Variants in KLHL7 observed in about 807,000 individuals in gnomAD.
The protein encoded by KLHL7 is kelch like family member 7, also known as kelch-like protein 7.
KLHL7 carries 44 observed loss-of-function variants against 67.4 expected under a neutral mutation model. That is an observed-to-expected ratio of 0.65 (90% CI 0.51 to 0.84). The LOEUF (loss-of-function observed/expected upper bound fraction) is 0.84. KLHL7 is among the 40% of genes least tolerant of loss of function. The pLI, the probability that KLHL7 is intolerant of heterozygous loss-of-function variation, is 0.00. For missense variants in KLHL7, 362 were observed against 718.1 expected (o/e 0.50, Z 5.67); for synonymous variants, 252 against 243.3 (o/e 1.04, Z -0.33).
intron 4 of KLHL7, among the ~76,000 whole-genome samples, chr7:23,126,755 A>G (rs1783589083): frequency 6.6e-6 from 1 of 152,200 alleles, no homozygotes; most frequent in South Asian, 2.1e-4. Context: ...TTTCAGGAGG[A>G]AGTAAAAGTC....
At chr7:23,166,447 T>C (rs1785006824) in intron 8 of KLHL7, among the ~76,000 whole-genome samples, 1 of 152,200 alleles carries the variant, frequency 6.6e-6, no homozygotes, top group South Asian at 2.1e-4. Context: ...AAAAACCTTA[T>C]TGGATAGTGT....
intron 4 of KLHL7, among the ~76,000 whole-genome samples, chr7:23,132,446 A>G (rs1355088956): frequency 6.6e-6 from 1 of 152,106 alleles, no homozygotes; most frequent in Non-Finnish European, 1.5e-5. Context: ...TGCCATTTGT[A>G]TGTCTTTGAG....
intron 7 of KLHL7, among the ~76,000 whole-genome samples, chr7:23,160,336 A>G (rs1583721409): frequency 1.3e-5 from 2 of 152,342 alleles, no homozygotes; most frequent in African/African-American, 2.4e-5. Flanking sequence ...CATAATATCC[A>G]TGTCATGCTT....
At chr7:23,157,507 A>G (rs1181631907) in intron 7 of KLHL7, among the ~76,000 whole-genome samples, 1 of 152,326 alleles carries the variant, frequency 6.6e-6, no homozygotes, top group East Asian at 1.9e-4. Context: ...AGTTTGTTAG[A>G]CAGGTGGTCT....
chr7:23,166,335 A>G (rs1486505503), intron 8 of KLHL7, among the ~76,000 whole-genome samples: 1 of 152,268 alleles, frequency 6.6e-6, no homozygotes, highest in Non-Finnish European at 1.5e-5. Flanking sequence ...TCTTTTTATT[A>G]GAAAAAAGAA....
At chr7:23,150,567 A>G (rs1042572703) in intron 6 of KLHL7, among the ~76,000 whole-genome samples, 12 of 152,188 alleles carry the variant, frequency 7.9e-5, no homozygotes, top group African/African-American at 2.9e-4. Context: ...GTTCTATTGT[A>G]TAGACATAGC....
chr7:23,108,767 G>A (rs879573220), intron 1 of KLHL7, among the ~76,000 whole-genome samples: 2 of 152,212 alleles, frequency 1.3e-5, no homozygotes, highest in Non-Finnish European at 2.9e-5. Flanking sequence ...TCCTGTGTTT[G>A]AACTTATATA....
In KLHL7 at chr7:23,117,918, G is replaced by A. The variant is rs1474557060; in HGVS notation, c.121-5859G>A. 3 of 1,614,080 alleles carry A rather than the reference G, an allele frequency of 1.9e-6. No homozygotes were observed. In the South Asian group the frequency reaches 3.3e-5, roughly 18 times the overall value. On this transcript the variant is annotated intron_variant, in intron 1 of 10. Transcript: ENST00000339077. ...CAATGCCAATTTGATATCATGCTGG[G>A]AGGGACTGATTGCAGAACCTTCTTG... is the stretch of plus-strand genomic sequence containing the variant.
chr7:23,125,735 A>C, intron 4 of KLHL7: 2 of 1,469,982 alleles, frequency 1.4e-6, no homozygotes, highest in Middle Eastern at 1.8e-4. Context: ...GAAGCTATTA[A>C]TAAAGTATTT....
chr7:23,133,044 C>T (rs1783857323), intron 4 of KLHL7, among the ~76,000 whole-genome samples: 1 of 152,122 alleles, frequency 6.6e-6, no homozygotes, highest in Admixed American at 6.5e-5. Flanking sequence ...ATTACTATAG[C>T]TCTGTAGTAT....
chr7:23,120,874 C>G (rs1420589444), intron 1 of KLHL7, among the ~76,000 whole-genome samples: 1 of 152,184 alleles, frequency 6.6e-6, no homozygotes, highest in Non-Finnish European at 1.5e-5. Flanking sequence ...GAATCTATTA[C>G]TGTTAACTAT....
Position 23,105,983 on chromosome 7 carries a change from C to A in KLHL7, c.-44C>A, listed in dbSNP as rs1341962299. 1 of 1,595,630 alleles carries A rather than the reference C, an allele frequency of 6.3e-7. No individual in the cohort carries two copies. Among genetic ancestry groups the A allele is most frequent in the East Asian group, 2.3e-5 (1 of 44,340 alleles). On this transcript the variant is annotated 5_prime_UTR_variant, in exon 1 of 11. Transcript: ENST00000339077. ...AGTGTGCCCAGAGAGTGCGACCCCT[C>A]GCCCGGCCCGGCGAGCCCCGGGCGT...
At chr7:23,138,187 G>A (rs1784048967) in intron 4 of KLHL7, among the ~76,000 whole-genome samples, 1 of 147,026 alleles carries the variant, frequency 6.8e-6, no homozygotes, top group East Asian at 2.1e-4. Context: ...AGAAAAAAAA[G>A]GCACGGTGGT....
At chr7:23,154,756 C>T (rs1188565928) in intron 7 of KLHL7, among the ~76,000 whole-genome samples, 1 of 152,160 alleles carries the variant, frequency 6.6e-6, no homozygotes, top group Non-Finnish European at 1.5e-5. Context: ...ATCTAATGAT[C>T]TGGGTAGATA....
chr7:23,117,081 CTTTTTTTTTTT>C (rs34692665), intron 1 of KLHL7, among the ~76,000 whole-genome samples: 4 of 68,226 alleles, frequency 5.9e-5, no homozygotes, highest in South Asian at 1.1e-3. Context: ...AGAGCCAGGC[CTTTTTTTTTTT>C]TTTTTTTTTT....
chr7:23,125,862 A>G (rs746925910), intron 4 of KLHL7: 7 of 1,550,380 alleles, frequency 4.5e-6, no homozygotes, highest in Non-Finnish European at 6.1e-6. Flanking sequence ...ATGTTTGTGC[A>G]GTAGCCCACC....
chr7:23,146,844 C>T lies in KLHL7; in HGVS notation c.793+2819C>T, dbSNP rs1784374046. On this transcript the variant is annotated intron_variant, in intron 6 of 10. Coordinates refer to ENST00000339077, the MANE Select transcript of KLHL7 (RefSeq NM_001031710.3). ...CATATATCTATATGTACACACATCA[C>T]TTCTCAGTATTTTGGCTAAGATCAA... Among the ~76,000 whole-genome samples, 3 of 152,082 alleles carry T rather than the reference C, an allele frequency of 2.0e-5. No homozygotes were observed. The South Asian group carries it at 6.2e-4, about 31-fold the overall frequency.
At chr7:23,155,504 G>A (rs6961813) in intron 7 of KLHL7, among the ~76,000 whole-genome samples, 140,174 of 151,556 alleles carry the variant, frequency 0.92, 65,003 homozygotes, top group East Asian at 0.99. Flanking sequence ...CTCTACTAAA[G>A]CTACAAAAAA....
At chr7:23,129,121 AC>A (rs1187509006) in intron 4 of KLHL7, 1 of 156,812 alleles carries the variant, frequency 6.4e-6, no homozygotes, top group African/African-American at 2.4e-5. Context: ...AGGTGAGTGC[AC>A]AGGTCAGACG....
Sources: gnomAD v4.1 joint callset for allele counts (sites outside exome capture counted in the v4.1 genomes callset) on GRCh38, gnomAD v4.1.1 for gene constraint, MANE v1.5 for transcripts, NCBI Gene and HGNC (gene_info 2026-07-23, HGNC 2026-07-21) for gene names.